RAPGEF4: variants seen among roughly 807,000 people sequenced by gnomAD.
RAPGEF4 encodes the protein RAP guanine-nucleotide-exchange factor (GEF) 4.
In RAPGEF4, 66 loss-of-function variants were observed where a neutral mutation model predicts 147.9. The ratio of observed to expected loss-of-function variants is 0.45; its 90% CI spans 0.37 to 0.55. RAPGEF4 has a LOEUF of 0.55. Ranked by LOEUF, RAPGEF4 falls within the 20% of genes least tolerant of loss-of-function variation. The pLI, the probability that RAPGEF4 is intolerant of heterozygous loss-of-function variation, is 0.00. For synonymous variants in RAPGEF4, 419 were observed against 442.7 expected (o/e 0.95, Z 0.67); for missense variants, 1,071 against 1,257.3 (o/e 0.85, Z 2.24).
At chr2:172,946,914 A>G (rs375614582) in intron 6 of RAPGEF4, among the ~76,000 whole-genome samples, 1 of 152,226 alleles carries the variant, frequency 6.6e-6, no homozygotes, top group African/African-American at 2.4e-5. Context: ...ATAAAACTGT[A>G]TGCATTTTTC....
chr2:172,939,640 T>C (rs1686950697), intron 6 of RAPGEF4, among the ~76,000 whole-genome samples: 1 of 152,182 alleles, frequency 6.6e-6, no homozygotes, highest in African/African-American at 2.4e-5. Flanking sequence ...AGTCCAACAT[T>C]CATTTTTTTT....
chr2:172,945,319 C>T (rs1026314122), intron 6 of RAPGEF4, among the ~76,000 whole-genome samples: 2 of 152,076 alleles, frequency 1.3e-5, no homozygotes, highest in Non-Finnish European at 2.9e-5. Context: ...CTTGCAAAGG[C>T]TTAAAAGGTT....
At chr2:172,910,595 G>A (rs533161233) in intron 4 of RAPGEF4, among the ~76,000 whole-genome samples, 2 of 152,348 alleles carry the variant, frequency 1.3e-5, no homozygotes, top group South Asian at 2.1e-4. Flanking sequence ...GGCCTCAGCT[G>A]GGGAGACTTG....
At chr2:172,957,955 G>A (rs1688910547) in intron 6 of RAPGEF4, among the ~76,000 whole-genome samples, 1 of 152,202 alleles carries the variant, frequency 6.6e-6, no homozygotes, top group South Asian at 2.1e-4. Context: ...AAATAAAGTA[G>A]CCTAGAGACC....
chr2:173,033,339 A>C (rs1697374031), intron 26 of RAPGEF4, among the ~76,000 whole-genome samples: 1 of 152,180 alleles, frequency 6.6e-6, no homozygotes, highest in African/African-American at 2.4e-5. Flanking sequence ...GTGAGACTTA[A>C]TTTTTTCCAT....
chr2:173,014,627 C>A lies in RAPGEF4; in HGVS notation c.1809+13C>A. 6.2e-7 allele frequency: 1 copy of A among 1,610,312 alleles called. No individual in the cohort carries two copies. Among genetic ancestry groups the A allele is most frequent in the Non-Finnish European group, 8.5e-7 (1 of 1,177,748 alleles). On this transcript the variant is annotated intron_variant, in intron 18 of 30. Transcript: ENST00000397081. ...GGCCTTCCTGGAGGTAGGCAGGGGT[C>A]ATCTCTTCCAAGAATATACTGTTGT... is the stretch of plus-strand genomic sequence containing the variant.
intron 3 of RAPGEF4, among the ~76,000 whole-genome samples, chr2:172,806,652 C>T (rs1012611517): frequency 2.6e-5 from 4 of 152,192 alleles, no homozygotes; most frequent in African/African-American, 9.7e-5. Flanking sequence ...GGATTTGAAA[C>T]AGTAGAAGTT....
In RAPGEF4 at chr2:173,024,224, T is replaced by A. The variant is rs200506826; in HGVS notation, c.2254-2348T>A. Among the ~76,000 whole-genome samples the A allele has an allele frequency of 3.9e-4, 57 of 147,908 alleles. 2 individuals are homozygous for A. The highest frequency in any genetic ancestry group is 7.0e-3 in the Middle Eastern group (2 of 286). On this transcript the variant is annotated intron_variant, in intron 23 of 30. Coordinates refer to ENST00000397081, the MANE Select transcript of RAPGEF4 (RefSeq NM_007023.4). Reference sequence around the variant, plus strand: ...AGCACTTCTTTTTTTTATTATTTTTTTTTTTTTTTTTGAGACGGAGTCTCG... The same window carrying A: ...AGCACTTCTTTTTTTTATTATTTTTATTTTTTTTTTTGAGACGGAGTCTCG...
Position 172,866,585 on chromosome 2 carries a change from A to G in RAPGEF4, c.445-51217A>G, listed in dbSNP as rs918491548. Among the ~76,000 whole-genome samples, 5 of 152,190 alleles carry G rather than the reference A, an allele frequency of 3.3e-5. No individual in the cohort carries two copies. The East Asian group carries it at 7.7e-4, about 24-fold the overall frequency. On this transcript the variant is annotated intron_variant, in intron 4 of 30. Transcript: ENST00000397081. ...TAATACATACATACTATTGACTCCC[A>G]TGCTTAGATCAGGCCTCACTTTGGG...
intron 1 of RAPGEF4, among the ~76,000 whole-genome samples, chr2:172,748,128 A>G (rs1694940836): frequency 6.6e-6 from 1 of 152,224 alleles, no homozygotes; most frequent in African/African-American, 2.4e-5. Flanking sequence ...TAATGCTGCA[A>G]TAAACAGAGA....
chr2:172,914,459 A>G (rs1222611171), intron 4 of RAPGEF4, among the ~76,000 whole-genome samples: 7 of 147,386 alleles, frequency 4.7e-5, no homozygotes, highest in African/African-American at 1.8e-4. Flanking sequence ...TCACCCTCCC[A>G]AGTAACTGGT....
intron 1 of RAPGEF4, among the ~76,000 whole-genome samples, chr2:172,778,274 A>C (rs1048169536): frequency 9.2e-5 from 14 of 152,176 alleles, no homozygotes; most frequent in African/African-American, 3.4e-4. Flanking sequence ...GAAGCCCCAG[A>C]ATGCCTCTGT....
At chr2:172,822,199 T>C (rs1689145054) in intron 4 of RAPGEF4, among the ~76,000 whole-genome samples, 1 of 152,194 alleles carries the variant, frequency 6.6e-6, no homozygotes, top group South Asian at 2.1e-4. Context: ...TTTCTGCTAG[T>C]GAAGCATGTT....
chr2:173,012,174 C>T (rs1695091838), intron 17 of RAPGEF4, among the ~76,000 whole-genome samples: 1 of 152,216 alleles, frequency 6.6e-6, no homozygotes, highest in Admixed American at 6.5e-5. Context: ...GGCACTATCA[C>T]TTAGACTTAG....
intron 6 of RAPGEF4, chr2:172,928,251 C>T: frequency 2.2e-6 from 1 of 453,222 alleles, no homozygotes. Context: ...ATGGGGCAGA[C>T]TGTCGTTGCT....
rs142683484 is a variant in RAPGEF4, at chr2:172,872,821, G to C, written c.445-44981G>C. 8.6e-4 allele frequency among the ~76,000 whole-genome samples: 131 copies of C among 152,158 alleles called. 2 individuals are homozygous for C. The East Asian group carries it at 0.014, about 16-fold the overall frequency. On this transcript the variant is annotated intron_variant, in intron 4 of 30. Coordinates refer to ENST00000397081, the MANE Select transcript of RAPGEF4 (RefSeq NM_007023.4). ...ACTTATTTTCTTCATAAATTACCCA[G>C]TCTCAGATAGTTCTTTATAGCAGTG...
At chr2:172,976,137 G>C (rs751273584) in intron 10 of RAPGEF4, among the ~76,000 whole-genome samples, 12 of 152,202 alleles carry the variant, frequency 7.9e-5, no homozygotes, top group African/African-American at 2.9e-4. Flanking sequence ...GGATCCCTGT[G>C]TACACAAGCT....
intron 4 of RAPGEF4, among the ~76,000 whole-genome samples, chr2:172,894,951 C>T (rs17706880): frequency 0.016 from 2,386 of 151,910 alleles, 25 homozygotes; most frequent in South Asian, 0.036. Flanking sequence ...TGTTTGTTGC[C>T]CAATTGATAC....
Position 173,005,332 on chromosome 2 carries a change from T to C in RAPGEF4, c.1658+3988T>C, listed in dbSNP as rs1694323181. On this transcript the variant is annotated intron_variant, in intron 17 of 30. Transcript: ENST00000397081. ...TTAAACTCTGCCATATTCTTGTTTG[T>C]ACAACTCCAGGCTGGCCTTCAGTTT... Among the ~76,000 whole-genome samples the C allele has an allele frequency of 2.0e-5, 3 of 152,120 alleles. No individual in the cohort carries two copies. The South Asian group carries it at 6.2e-4, about 32-fold the overall frequency.
Sources: gnomAD v4.1 joint callset for allele counts (sites outside exome capture counted in the v4.1 genomes callset) on GRCh38, gnomAD v4.1.1 for gene constraint, MANE v1.5 for transcripts, NCBI Gene and HGNC (gene_info 2026-07-23, HGNC 2026-07-21) for gene names.